PTTG1IP2: variants seen among roughly 807,000 people sequenced by gnomAD.
PTTG1IP2 encodes PTTG1IP family member 2.
At chr7:90,493,998 C>A (rs1797966699) in intron 5 of PTTG1IP2, among the ~76,000 whole-genome samples, 2 of 152,138 alleles carry the variant, frequency 1.3e-5, no homozygotes, top group African/African-American at 4.8e-5. Context: ...AGTTATTTTT[C>A]AGGATTGGTG....
At chr7:90,503,367 T>G (rs1308192525) in intron 6 of PTTG1IP2, among the ~76,000 whole-genome samples, 1 of 152,250 alleles carries the variant, frequency 6.6e-6, no homozygotes, top group Non-Finnish European at 1.5e-5. Context: ...TCATCATTTT[T>G]GGGTTCACTG....
At chr7:90,487,553 C>T (rs1440374779) in intron 3 of PTTG1IP2, 133 bp downstream of exon 3, 2 of 152,522 alleles carry the variant, frequency 1.3e-5, no homozygotes, top group East Asian at 3.9e-4. Context: ...GTCCAAACCA[C>T]CATGGCACAT....
rs538778913 is a variant in PTTG1IP2 at position 90,498,451 on chromosome 7, A to C, written c.*50+4021A>C. The stretch of plus-strand genomic sequence containing the variant: ...CTTCACCATCTTTAAGGACACACAT[A>C]AACTGAGAGTGAAGAGATGGAAGAA... On this transcript the variant is annotated intron_variant, in intron 6 of 6. Transcript: ENST00000509356. 3.3e-5 allele frequency among the ~76,000 whole-genome samples: 5 copies of C among 152,360 alleles called. No homozygotes were observed. In the South Asian group the frequency reaches 1.0e-3, roughly 32 times the overall value.
At chr7:90,499,454 G>A (rs932049796) in intron 6 of PTTG1IP2, among the ~76,000 whole-genome samples, 1 of 152,118 alleles carries the variant, frequency 6.6e-6, no homozygotes, top group South Asian at 2.1e-4. Flanking sequence ...ATTGTAGGGG[G>A]ACAATGTAAC....
chr7:90,483,216 C>T (rs1475870495), intron 2 of PTTG1IP2, among the ~76,000 whole-genome samples: 3 of 152,142 alleles, frequency 2.0e-5, no homozygotes, highest in Non-Finnish European at 4.4e-5. Context: ...ATTCCCAGCA[C>T]TTTACCACTG....
At chr7:90,487,864 T>A (rs1300764289) in intron 3 of PTTG1IP2, among the ~76,000 whole-genome samples, 1 of 152,050 alleles carries the variant, frequency 6.6e-6, no homozygotes, top group African/African-American at 2.4e-5. Flanking sequence ...AATTCCAGGA[T>A]TTTTTTTATA....
At chr7:90,486,205 G>T (rs1220378430) in intron 2 of PTTG1IP2, among the ~76,000 whole-genome samples, 3 of 152,158 alleles carry the variant, frequency 2.0e-5, no homozygotes, top group Non-Finnish European at 4.4e-5. Flanking sequence ...CAATCTTACA[G>T]GATTGGTTAC....
intron 2 of PTTG1IP2, among the ~76,000 whole-genome samples, chr7:90,484,217 C>T (rs563681809): frequency 2.1e-3 from 325 of 151,464 alleles, no homozygotes; most frequent in Admixed American, 5.2e-3. Context: ...TTTCTTTCAC[C>T]TGGAAAAATC....
intron 6 of PTTG1IP2, among the ~76,000 whole-genome samples, chr7:90,499,288 A>C (rs1035370345): frequency 6.6e-6 from 1 of 152,264 alleles, no homozygotes; most frequent in African/African-American, 2.4e-5. Flanking sequence ...GAAGTACTGC[A>C]TGCAACGGAA....
intron 6 of PTTG1IP2, among the ~76,000 whole-genome samples, chr7:90,496,057 T>C (rs1584697609): frequency 6.6e-6 from 1 of 152,248 alleles, no homozygotes; most frequent in African/African-American, 2.4e-5. Flanking sequence ...TTCAGTTTAC[T>C]GGTATTTTGT....
chr7:90,510,975 G>A (rs561302406), intron 6 of PTTG1IP2, among the ~76,000 whole-genome samples: 6 of 152,282 alleles, frequency 3.9e-5, no homozygotes, highest in South Asian at 4.1e-4. Flanking sequence ...TGCAGACATC[G>A]GAGCTATAAT....
intron 6 of PTTG1IP2, 67 bp from the exon 7 acceptor site, chr7:90,513,210 TG>T (rs1387883241): frequency 3.3e-5 from 5 of 152,648 alleles, no homozygotes; most frequent in African/African-American, 1.2e-4. Context: ...CTTTCTAGTT[TG>T]AAGGTGAAAC....
At chr7:90,480,013 G>T (rs1290879556) in intron 2 of PTTG1IP2, among the ~76,000 whole-genome samples, 1 of 152,054 alleles carries the variant, frequency 6.6e-6, no homozygotes, top group African/African-American at 2.4e-5. Flanking sequence ...TGGGCTTCTG[G>T]CTCATGGCAT....
chr7:90,472,056 AAAC>A lies in PTTG1IP2; in HGVS notation c.145+2128_145+2130del, dbSNP rs143821795. 3.0e-3 allele frequency among the ~76,000 whole-genome samples: 463 copies of A among 152,280 alleles called. 3 individuals are homozygous for A. The highest frequency in any genetic ancestry group is 3.9e-3 in the Non-Finnish European group (263 of 68,024). ...AGTTCTCCCCCTTGTCTAATGCTGA[AAAC>A]AATGGAGTGAATAGAACATAAAATG... On this transcript the variant is annotated intron_variant, in intron 1 of 6. Transcript: ENST00000509356.
At chr7:90,477,276 A>G (rs910734810) in intron 1 of PTTG1IP2, among the ~76,000 whole-genome samples, 1 of 152,226 alleles carries the variant, frequency 6.6e-6, no homozygotes, top group African/African-American at 2.4e-5. Context: ...TTCTTTAGGA[A>G]TAGAAGAGAA....
At chr7:90,474,823 A>G (rs147155008) in intron 1 of PTTG1IP2, among the ~76,000 whole-genome samples, 2 of 152,316 alleles carry the variant, frequency 1.3e-5, no homozygotes, top group African/African-American at 2.4e-5. Context: ...AAATCCAATA[A>G]AGAAAAGAAC....
intron 1 of PTTG1IP2, among the ~76,000 whole-genome samples, chr7:90,470,628 T>C (rs1048239016): frequency 4.6e-5 from 7 of 152,200 alleles, no homozygotes; most frequent in African/African-American, 1.4e-4. Flanking sequence ...CAGTCTTCCT[T>C]ACTAAAACCA....
chr7:90,507,439 A>G (rs1444926302), intron 6 of PTTG1IP2, among the ~76,000 whole-genome samples: 1 of 152,146 alleles, frequency 6.6e-6, no homozygotes, highest in Admixed American at 6.6e-5. Context: ...CATCTCTGAG[A>G]CTTGATTACC....
At chr7:90,487,229 T>C (rs1172626986) in intron 2 of PTTG1IP2, 98 bp from the exon 3 acceptor site, 1 of 152,668 alleles carries the variant, frequency 6.6e-6, no homozygotes, top group Non-Finnish European at 1.5e-5. Context: ...ATAATGGTTA[T>C]TATTTATTGA....
Sources: allele counts gnomAD v4.1 joint callset (sites outside exome capture counted in the v4.1 genomes callset), GRCh38; gene constraint gnomAD v4.1.1; transcripts MANE v1.5; gene names NCBI Gene and HGNC (gene_info 2026-07-23, HGNC 2026-07-21).